SOX6: variants seen among roughly 807,000 people sequenced by gnomAD.
SOX6 encodes SRY-box transcription factor 6, also known as transcription factor SOX-6.
Under a neutral mutation model 97.8 loss-of-function variants are expected in SOX6, and 11 were observed. The observed-to-expected ratio is 0.11, with a 90% confidence interval of 0.07 to 0.19. The LOEUF is 0.19. SOX6 is among the 10% of genes least tolerant of loss of function. The pLI is 1.00. For missense variants in SOX6, 810 were observed against 1,039.5 expected, an observed-to-expected ratio of 0.78 and a Z score of 3.04; for synonymous variants, 360 against 371.4, an observed-to-expected ratio of 0.97 and a Z score of 0.35.
intron 15 of SOX6, among the ~76,000 whole-genome samples, chr11:15,984,522 T>C (rs1020399245): frequency 1.3e-5 from 2 of 152,214 alleles, no homozygotes; most frequent in Non-Finnish European, 2.9e-5. Context: ...AGAATGTTTA[T>C]CACATAATCT....
chr11:16,517,984 T>G (rs747190007), intron 4 of SOX6, among the ~76,000 whole-genome samples: 15 of 152,332 alleles, frequency 9.8e-5, no homozygotes, highest in Middle Eastern at 3.4e-3. Flanking sequence ...ATACCTTTAA[T>G]TCTAATATCT....
At chr11:16,338,543 A>G (rs1452097867) in intron 2 of SOX6, among the ~76,000 whole-genome samples, 1 of 152,032 alleles carries the variant, frequency 6.6e-6, no homozygotes, top group African/African-American at 2.4e-5. Flanking sequence ...GGAATTTCCA[A>G]ATGCAGCTGC....
chr11:16,185,007 G>T (rs756184774), intron 5 of SOX6, among the ~76,000 whole-genome samples: 1 of 152,272 alleles, frequency 6.6e-6, no homozygotes, highest in Middle Eastern at 3.4e-3. Context: ...AAGTGAAAAT[G>T]AGTGTAAATC....
At chr11:16,004,059 T>C (rs1338076645) in intron 13 of SOX6, among the ~76,000 whole-genome samples, 4 of 151,754 alleles carry the variant, frequency 2.6e-5, no homozygotes, top group Non-Finnish European at 1.5e-5. Flanking sequence ...TGTATATATA[T>C]ACATATATAT....
intron 2 of SOX6, among the ~76,000 whole-genome samples, chr11:16,732,667 A>G (rs1420341575): frequency 6.6e-6 from 1 of 152,226 alleles, no homozygotes; most frequent in African/African-American, 2.4e-5. Context: ...CATACAGAAC[A>G]TAAGCACAGG....
At chr11:16,448,795 A>T (rs1421333814) in intron 1 of SOX6, among the ~76,000 whole-genome samples, 1 of 152,102 alleles carries the variant, frequency 6.6e-6, no homozygotes, top group South Asian at 2.1e-4. Context: ...ATTCTGGGAG[A>T]CCAAGGCAGG....
intron 1 of SOX6, among the ~76,000 whole-genome samples, chr11:16,452,600 C>A (rs1859739903): frequency 6.6e-6 from 1 of 152,106 alleles, no homozygotes; most frequent in Non-Finnish European, 1.5e-5. Flanking sequence ...ATCTGTAGTG[C>A]TTTAAGTGAA....
chr11:16,212,090 T>C (rs1433299636), intron 4 of SOX6, among the ~76,000 whole-genome samples: 1 of 152,170 alleles, frequency 6.6e-6, no homozygotes, highest in African/African-American at 2.4e-5. Context: ...TCACCCATCC[T>C]GTGACAAGAA....
At chr11:16,332,179 A>C (rs1211618370) in intron 2 of SOX6, among the ~76,000 whole-genome samples, 1 of 152,140 alleles carries the variant, frequency 6.6e-6, no homozygotes, top group Non-Finnish European at 1.5e-5. Flanking sequence ...AATTAATATA[A>C]CTGAAAGTCA....
intron 3 of SOX6, chr11:16,318,237 C>G (rs1855808920): frequency 6.8e-6 from 4 of 589,106 alleles, no homozygotes; most frequent in African/African-American, 5.6e-5. Flanking sequence ...AAATAAAATG[C>G]ACAAAGTTTT....
chr11:16,034,115 T>A (rs1441456710), intron 12 of SOX6, among the ~76,000 whole-genome samples: 1 of 152,170 alleles, frequency 6.6e-6, no homozygotes, highest in East Asian at 1.9e-4. Context: ...GATATTTTAA[T>A]CTCAACATAG....
At chr11:16,683,369 A>T (rs1847943520) in intron 3 of SOX6, among the ~76,000 whole-genome samples, 1 of 152,218 alleles carries the variant, frequency 6.6e-6, no homozygotes, top group Admixed American at 6.5e-5. Context: ...ACAGCATGGT[A>T]CTGGTACCAA....
intron 3 of SOX6, among the ~76,000 whole-genome samples, chr11:16,657,704 T>G (rs1343165809): frequency 6.6e-6 from 1 of 152,216 alleles, no homozygotes; most frequent in Non-Finnish European, 1.5e-5. Flanking sequence ...GGTATCTCAC[T>G]GTGGTTTTAA....
In SOX6 at chr11:16,049,928, G is replaced by A. The variant is rs773022994; in HGVS notation, c.1262C>T (p.Ala421Val). The change falls in exon 11 of 16, where the codon GCA becomes GTA. Residue 421 changes from alanine to valine, a missense_variant. By Grantham distance (64) the Ala-to-Val change is moderately conservative (BLOSUM62 0). Coordinates refer to ENST00000683767, the MANE Select transcript of SOX6 (RefSeq NM_001367873.1). Reference sequence around the variant, plus strand: ...GGATGAGAGATTCAGAGGCTGTGCTGCTGCTTCATCCTACAAGAGTTTAAC... The same window carrying A: ...GGATGAGAGATTCAGAGGCTGTGCTACTGCTTCATCCTACAAGAGTTTAAC... ...SPVTQVKDEAAAQPLNLSSRP... is the reference protein window; with the variant it reads ...SPVTQVKDEAVAQPLNLSSRP... The A allele has an allele frequency of 6.2e-6, 10 of 1,613,650 alleles. No individual in the cohort carries two copies. Among genetic ancestry groups the A allele is most frequent in the Admixed American group, 1.7e-5 (1 of 59,980 alleles).
chr11:16,730,838 G>A lies in SOX6; in HGVS notation n.353+5501C>T, dbSNP rs544918249. Reference sequence around the variant, plus strand: ...ATTTTTTGAAAAGATCAACAAAACAGATAGACCACTAGCCAGACTAATAAA... The same window carrying A: ...ATTTTTTGAAAAGATCAACAAAACAAATAGACCACTAGCCAGACTAATAAA... On this transcript the variant is annotated intron_variant and non_coding_transcript_variant, in intron 2 of 5. Transcript: ENST00000524520. 5.9e-5 allele frequency among the ~76,000 whole-genome samples: 9 copies of A among 152,050 alleles called. 1 individual carries two copies. In the South Asian group the frequency reaches 1.9e-3, roughly 32 times the overall value.
At chr11:16,015,586 T>C (rs1655891886) in intron 12 of SOX6, among the ~76,000 whole-genome samples, 1 of 152,020 alleles carries the variant, frequency 6.6e-6, no homozygotes, top group South Asian at 2.1e-4. Context: ...AACTGTGATT[T>C]TCTGGGAACT....
At chr11:16,437,142 G>A (rs1346993393) in intron 1 of SOX6, among the ~76,000 whole-genome samples, 1 of 151,750 alleles carries the variant, frequency 6.6e-6, no homozygotes, top group Non-Finnish European at 1.5e-5. Context: ...TTGCAAGCTT[G>A]TAGTTTCAGC....
At chr11:16,412,503 T>C (rs999138916) in intron 1 of SOX6, among the ~76,000 whole-genome samples, 4 of 152,162 alleles carry the variant, frequency 2.6e-5, no homozygotes, top group African/African-American at 9.7e-5. Flanking sequence ...TTGGGCACTA[T>C]GGCAGGCACC....
At chr11:16,642,135 G>A (rs1411887431) in intron 3 of SOX6, among the ~76,000 whole-genome samples, 1 of 152,164 alleles carries the variant, frequency 6.6e-6, no homozygotes. Context: ...TTGCTTGTCT[G>A]TAAAGTATTT....
Sources: gnomAD v4.1 joint callset for allele counts (sites outside exome capture counted in the v4.1 genomes callset) on GRCh38, gnomAD v4.1.1 for gene constraint, MANE v1.5 for transcripts, NCBI Gene and HGNC (gene_info 2026-07-23, HGNC 2026-07-21) for gene names.